HRNR: variants seen among roughly 807,000 people sequenced by gnomAD.
HRNR encodes hornerin.
HRNR carries 7 observed loss-of-function variants against 4.8 expected under a neutral mutation model. The ratio of observed to expected loss-of-function variants is 1.47; its 90% CI spans 0.83 to 2.75. HRNR has a LOEUF of 2.75. Ranked by LOEUF, HRNR falls within the 30% of genes most tolerant of loss-of-function variation. The probability of loss-of-function intolerance (pLI) is 0.00; values close to 1 mark genes in which losing one functional copy is unlikely to be tolerated. For synonymous variants in HRNR, 1,023 were observed against 1,242.7 expected, an observed-to-expected ratio of 0.82 and a Z score of 3.72; for missense variants, 2,879 against 3,010.4, an observed-to-expected ratio of 0.96 and a Z score of 1.02.
At position 152,221,074 on chromosome 1, in the gene HRNR, G is replaced by A; in HGVS notation, c.555C>T (p.Asp185=). 1.2e-6 allele frequency: 2 copies of A among 1,613,348 alleles called. No homozygotes were observed. The highest frequency in any genetic ancestry group is 1.7e-6 in the Non-Finnish European group (2 of 1,179,458). ...QSSSYGEQNS[D]SHQSSGRGQC... ...GGCCGCGGCCTGAAGACTGATGGGAGTCGGAGTTTTGCTCACCATAGCTGG... is the reference window on the plus strand; with the variant it reads ...GGCCGCGGCCTGAAGACTGATGGGAATCGGAGTTTTGCTCACCATAGCTGG... The change falls in exon 3 of 3, where the codon GAC becomes GAT. Residue 185 remains aspartate, a synonymous_variant. Coordinates refer to ENST00000368801, the MANE Select transcript of HRNR (RefSeq NM_001009931.3).
At chr1:152,222,981 A>C in intron 2 of HRNR, 135 bp downstream of exon 2, 4 of 886,708 alleles carry the variant, frequency 4.5e-6, no homozygotes, top group Non-Finnish European at 7.0e-6. Context: ...ACCTTATCTC[A>C]AACTTTTACC....
rs773575558 is a variant in HRNR, at chr1:152,219,816, C to G, written c.1813G>C (p.Gly605Arg). The stretch of plus-strand genomic sequence containing the variant: ...TGTTGCCCATGGGTAGAGGAATGAC[C>G]CGAGCTAGATCCGTGTTGACCGTAG... ...SGYGQHGSSS[G>R]HSSTHGQHGS... The change falls in exon 3 of 3, where the codon GGT becomes CGT. Residue 605 changes from glycine (G) to arginine (R), a missense_variant. Coordinates refer to ENST00000368801, the MANE Select transcript of HRNR (RefSeq NM_001009931.3). 27 of 1,612,038 alleles carry G rather than the reference C, an allele frequency of 1.7e-5. No homozygotes were observed. Among genetic ancestry groups the G allele is most frequent in the Non-Finnish European group, 8.5e-7 (1 of 1,178,734 alleles).
rs775651533 is a variant in HRNR at position 152,219,271 on chromosome 1, C to T, written c.2358G>A (p.Gly786=). 1 of 1,613,132 alleles carries T rather than the reference C, an allele frequency of 6.2e-7. No individual in the cohort carries two copies. The highest frequency in any genetic ancestry group is 8.5e-7 in the Non-Finnish European group (1 of 1,179,790). ...PSRVRHGSSS[G]HSSSHGQHGS... is the part of the protein sequence containing the mutation. ...CGTGTTGGCCGTGGCTGGAGGAGTG[C>T]CCTGAACTGGACCCATGTCGGACAC... Residue 786 remains glycine (G), a synonymous_variant, in exon 3 of 3, where the codon GGG becomes GGA. Transcript: ENST00000368801.
At position 152,215,737 on chromosome 1, in the gene HRNR, G is replaced by A. The variant is rs141147625; in HGVS notation, c.5892C>T (p.Tyr1964=). 3,230 of 1,595,716 alleles carry A rather than the reference G, an allele frequency of 2.0e-3. 70 individuals carry two copies. The African/African-American group carries it at 0.036, about 18-fold the overall frequency. ...ACCCTGAGCCAGACCCATATGGGCC[G>A]TAGCTGGAAGACTGCCCAGAACCAG... ...HGSGSGQSSS[Y]GPYGSGSGWS... Residue 1964 remains tyrosine, a synonymous_variant, in exon 3 of 3, where the codon TAC becomes TAT. Transcript: ENST00000368801.
chr1:152,219,899 C>A lies in HRNR; in HGVS notation c.1730G>T (p.Gly577Val). 1.2e-6 allele frequency: 2 copies of A among 1,613,596 alleles called. No homozygotes were observed. The highest frequency in any genetic ancestry group is 1.7e-6 in the Non-Finnish European group (2 of 1,179,888). ...RSSSRGPYES[G>V]SGHSSGLGHQ... ...ACCTAAGCCAGAAGAGTGACCGGAG[C>A]CAGACTCATATGGGCCACGGCTTGA... The change falls in exon 3 of 3, where the codon GGC (glycine) becomes GTC (valine). Residue 577 changes from glycine to valine, a missense_variant. By Grantham distance (109) the Gly-to-Val change is moderately radical. Transcript: ENST00000368801.
rs199883053 is a variant in HRNR at position 152,219,101 on chromosome 1, C to T, written c.2528G>A (p.Arg843Gln). ...SASGHFSSQG[R>Q]HGSTSGQSSS... is the part of the protein sequence containing the mutation. ...TGACTGCCCTGACGTAGATCCATGTCGTCCCTGGCTAGAGAAGTGACCTGA... is the reference window on the plus strand; with the variant it reads ...TGACTGCCCTGACGTAGATCCATGTTGTCCCTGGCTAGAGAAGTGACCTGA... Residue 843 changes from arginine to glutamine, a missense_variant, in exon 3 of 3, where the codon CGA becomes CAA. Around this residue, in one of 8 missense-constraint regions of HRNR, gnomAD observed 2,646 missense variants for 1,377.7 expected, o/e 1.92. Transcript: ENST00000368801. 3.2e-4 allele frequency: 519 copies of T among 1,613,206 alleles called. 6 individuals carry two copies. The East Asian group carries it at 9.6e-3, about 30-fold the overall frequency.
Position 152,219,332 on chromosome 1 carries a change from C to T in HRNR, c.2297G>A (p.Gly766Asp). 2 of 1,613,676 alleles carry T rather than the reference C, an allele frequency of 1.2e-6. No individual in the cohort carries two copies. Among genetic ancestry groups the T allele is most frequent in the Non-Finnish European group, 1.7e-6 (2 of 1,179,978 alleles). The change falls in exon 3 of 3, where the codon GGC becomes GAC. Residue 766 changes from glycine to aspartate, a missense_variant. Transcript: ENST00000368801. ...GTGGCCAGATCCAGACCCTTGTCGG[C>T]CGTGGCCCGAAGATTGATGGGAGCC... is the stretch of plus-strand genomic sequence containing the variant. Reference protein sequence around the residue: ...GSGSHQSSGHGRQGSGSGHSP... With the variant: ...GSGSHQSSGHDRQGSGSGHSP...
Position 152,219,964 on chromosome 1 carries a change from A to C in HRNR, c.1665T>G (p.Ser555=). 1 of 1,613,410 alleles carries C rather than the reference A, an allele frequency of 6.2e-7. No individual in the cohort carries two copies. The highest frequency in any genetic ancestry group is 8.5e-7 in the Non-Finnish European group (1 of 1,179,820). ...RGRHESGSRQ[S]SSYGPHGYGS... ...CATACCCATGTGGGCCATAGCTGGA[A>C]GACTGCCTGGAACCAGACTCATGTC... The change falls in exon 3 of 3, where the codon TCT becomes TCG. Residue 555 remains serine (S), a synonymous_variant. Coordinates refer to ENST00000368801, the MANE Select transcript of HRNR (RefSeq NM_001009931.3).
intron 1 of HRNR, among the ~76,000 whole-genome samples, chr1:152,223,500 TC>T (rs1449708491): frequency 1.3e-5 from 2 of 152,234 alleles, no homozygotes; most frequent in Non-Finnish European, 2.9e-5. Flanking sequence ...TTATTTCCAT[TC>T]CTGAATGAAT....
chr1:152,219,313 A>G lies in HRNR; in HGVS notation c.2316T>C (p.Ser772=). 1 of 1,613,326 alleles carries G rather than the reference A, an allele frequency of 6.2e-7. No homozygotes were observed. ...SSGHGRQGSG[S]GHSPSRVRHG... ...GTCGGACACGGCTAGGAGAGTGGCCAGATCCAGACCCTTGTCGGCCGTGGC... is the reference window on the plus strand; with the variant it reads ...GTCGGACACGGCTAGGAGAGTGGCCGGATCCAGACCCTTGTCGGCCGTGGC... Residue 772 remains serine, a synonymous_variant, in exon 3 of 3, where the codon TCT becomes TCC. Transcript: ENST00000368801.
rs766757891 is a variant in HRNR at position 152,219,393 on chromosome 1, A to T, written c.2236T>A (p.Ser746Thr). ...TGACCATAGCTGGAAGACAAACCTG[A>T]GCTAGATCCGTGTTGTTCACTCCTA... The part of the protein sequence containing the change: ...SSRSEQHGSS[S>T]GLSSSYGQHG... The change falls in exon 3 of 3, where the codon TCA becomes ACA. Residue 746 changes from serine to threonine, a missense_variant. This residue lies in a region of HRNR where 2,646 missense variants were observed against 1,377.7 expected (regional missense o/e 1.92). Coordinates refer to ENST00000368801, the MANE Select transcript of HRNR (RefSeq NM_001009931.3). The T allele has an allele frequency of 6.2e-7, 1 of 1,613,816 alleles. No individual in the cohort carries two copies. Among genetic ancestry groups the T allele is most frequent in the Non-Finnish European group, 8.5e-7 (1 of 1,179,940 alleles).
rs370306105 is a variant in HRNR, at chr1:152,213,092, C to T, written c.8537G>A (p.Cys2846Tyr). 1 of 1,612,636 alleles carries T rather than the reference C, an allele frequency of 6.2e-7. No homozygotes were observed. The highest frequency in any genetic ancestry group is 1.1e-5 in the South Asian group (1 of 90,884). Residue 2846 changes from cysteine to tyrosine, a missense_variant, in exon 3 of 3, where the codon TGC (cysteine) becomes TAC (tyrosine). Cys to Tyr is a radical substitution (Grantham distance 194). Transcript: ENST00000368801. ...GTTTATTATTCACTGATAAAAGTAGCACCTCTGCTCTTGGACATATTCATA... is the reference window on the plus strand; with the variant it reads ...GTTTATTATTCACTGATAAAAGTAGTACCTCTGCTCTTGGACATATTCATA... Reference protein sequence around the residue: ...SPYEYVQEQRCYFYQ With the variant: ...SPYEYVQEQRYYFYQ
In HRNR at chr1:152,218,539, G is replaced by T. The variant is rs1232331906; in HGVS notation, c.3090C>A (p.Gly1030=). The change falls in exon 3 of 3, where the codon GGC becomes GGA. Residue 1030 remains glycine (G), a synonymous_variant. Coordinates refer to ENST00000368801, the MANE Select transcript of HRNR (RefSeq NM_001009931.3). The stretch of plus-strand genomic sequence containing the variant: ...GGCCACGGCTTGAAGACCACCCTGA[G>T]CCAGACCTATATGGGCCATAGCTGG... ...QSSSYGPYRS[G]SGWSSSRGPY... The T allele has an allele frequency of 1.2e-6, 2 of 1,613,868 alleles. No individual in the cohort carries two copies. Among genetic ancestry groups the T allele is most frequent in the East Asian group, 4.5e-5 (2 of 44,814 alleles).
rs767837897 is a variant in HRNR at position 152,220,620 on chromosome 1, G to T, written c.1009C>A (p.His337Asn). The change falls in exon 3 of 3, where the codon CAT (histidine) becomes AAT (asparagine). Residue 337 changes from histidine (H) to asparagine (N), a missense_variant. Around this residue, in one of 8 missense-constraint regions of HRNR, gnomAD observed 2,646 missense variants for 1,377.7 expected, o/e 1.92. Transcript: ENST00000368801. ...SGSSYSYSRG[H>N]YESGSGQTSG... ...GTCTGGCCTGAGCCAGACTCATAAT[G>T]GCCACGGCTGTAAGAGTAACTTGAG... 3 of 1,612,022 alleles carry T rather than the reference G, an allele frequency of 1.9e-6. No individual in the cohort carries two copies. Among genetic ancestry groups the T allele is most frequent in the South Asian group, 1.1e-5 (1 of 90,890 alleles).
intron 2 of HRNR, among the ~76,000 whole-genome samples, chr1:152,222,854 G>T (rs868222272): frequency 6.6e-6 from 1 of 152,132 alleles, no homozygotes; most frequent in Admixed American, 6.5e-5. Context: ...GGACTGTCTG[G>T]GTTTGTAGGA....
At position 152,219,098 on chromosome 1, in the gene HRNR, TGTC is replaced by T. The variant is rs1398468858; in HGVS notation, c.2528_2530del (p.Arg843del). On this transcript the variant is annotated inframe_deletion, in exon 3 of 3. Transcript: ENST00000368801. ...TGATGACTGCCCTGACGTAGATCCA[TGTC>T]GTCCCTGGCTAGAGAAGTGACCTGA... 3.7e-6 allele frequency: 6 copies of T among 1,613,766 alleles called. No homozygotes were observed.
chr1:152,223,540 T>C (rs2101598718), intron 1 of HRNR, among the ~76,000 whole-genome samples: 1 of 152,362 alleles, frequency 6.6e-6, no homozygotes, highest in Admixed American at 6.5e-5. Flanking sequence ...TGTTTTTGGC[T>C]TCCTGCCATT....
In HRNR at chr1:152,213,165, C is replaced by A. The variant is rs151033591; in HGVS notation, c.8464G>T (p.Gly2822Ter). 732 of 1,614,028 alleles carry A rather than the reference C, an allele frequency of 4.5e-4. 1 individual carries two copies. In the African/African-American group the frequency reaches 8.4e-3, roughly 19 times the overall value. ...CTGAGAAAATATGAGCCAGAACTTC[C>A]CCCATCATGGTTACTTCCTCCTTTG... ...YCKGGSNHDGGSSGSYFLSFP... is the reference protein window; with the variant it reads ...YCKGGSNHDG The change falls in exon 3 of 3, where the codon GGA (glycine) becomes TGA (stop). Residue 2822 changes from glycine (G) to a stop codon, truncating the protein, a stop_gained. Transcript: ENST00000368801. LOFTEE classifies it low-confidence loss of function (END_TRUNC).
chr1:152,219,647 C>G lies in HRNR; in HGVS notation c.1982G>C (p.Ser661Thr), dbSNP rs774016707. The G allele has an allele frequency of 3.1e-6, 5 of 1,613,190 alleles. No individual in the cohort carries two copies. The highest frequency in any genetic ancestry group is 2.2e-5 in the East Asian group (1 of 44,822). ...AAAATCGGACCCATGTCGGCCGCGACTAGGAGACTGGCCAGATCCAGAGCC... is the reference window on the plus strand; with the variant it reads ...AAAATCGGACCCATGTCGGCCGCGAGTAGGAGACTGGCCAGATCCAGAGCC... ...QQGSGSGQSP[S>T]RGRHGSDFGH... The change falls in exon 3 of 3, where the codon AGT becomes ACT. Residue 661 changes from serine to threonine, a missense_variant. By Grantham distance (58) the Ser-to-Thr change is moderately conservative (BLOSUM62 1). Coordinates refer to ENST00000368801, the MANE Select transcript of HRNR (RefSeq NM_001009931.3).
Sources: allele counts gnomAD v4.1 joint callset (sites outside exome capture counted in the v4.1 genomes callset), GRCh38; gene constraint gnomAD v4.1.1; regional missense constraint gnomAD v4.1.1; transcripts MANE v1.5; gene names NCBI Gene and HGNC (gene_info 2026-07-23, HGNC 2026-07-21).